Variants in LIN54 observed in about 807,000 individuals in gnomAD.
LIN54 encodes the protein protein lin-54 homolog.
Under a neutral mutation model 78.7 loss-of-function variants are expected in LIN54, and 9 were observed. That is an observed-to-expected ratio of 0.11 (90% confidence interval 0.07 to 0.20). The LOEUF (loss-of-function observed/expected upper bound fraction) is 0.20, where lower values mean the gene tolerates loss of function less well. Ranked by LOEUF, LIN54 falls within the 10% of genes least tolerant of loss-of-function variation. The pLI is 1.00. For missense variants in LIN54, 573 were observed against 889.9 expected (o/e 0.64, Z 4.53); for synonymous variants, 269 against 318.4 (o/e 0.84, Z 1.65).
At chr4:82,968,224 T>G (rs796118400) in intron 4 of LIN54, among the ~76,000 whole-genome samples, 6 of 152,064 alleles carry the variant, frequency 3.9e-5, no homozygotes, top group African/African-American at 1.4e-4. Flanking sequence ...GTATTTTTTT[T>G]GTAGAGACAG....
intron 3 of LIN54, among the ~76,000 whole-genome samples, chr4:82,976,451 T>G (rs560559027): frequency 6.6e-6 from 1 of 151,336 alleles, no homozygotes; most frequent in Non-Finnish European, 1.5e-5. Flanking sequence ...GGCTCATGCC[T>G]GTAGTCCCAG....
At chr4:82,982,119 A>G (rs2126084595) in intron 2 of LIN54, among the ~76,000 whole-genome samples, 1 of 152,316 alleles carries the variant, frequency 6.6e-6, no homozygotes. Flanking sequence ...TAGGGAGTTA[A>G]AGTAGAGAAA....
intron 1 of LIN54, among the ~76,000 whole-genome samples, chr4:82,995,477 A>C (rs778175754): frequency 1.4e-5 from 2 of 141,048 alleles, no homozygotes; most frequent in Non-Finnish European, 3.1e-5. Flanking sequence ...TTATGATTAC[A>C]CATCCTTATC....
At chr4:82,961,660 A>G (rs776480495) in intron 4 of LIN54, among the ~76,000 whole-genome samples, 1 of 152,232 alleles carries the variant, frequency 6.6e-6, no homozygotes, top group African/African-American at 2.4e-5. Flanking sequence ...GTTCACCATG[A>G]AAACATTAAG....
chr4:82,976,246 G>T (rs763730170), intron 3 of LIN54, among the ~76,000 whole-genome samples: 4 of 152,070 alleles, frequency 2.6e-5, no homozygotes, highest in Non-Finnish European at 5.9e-5. Context: ...AATGAACAAG[G>T]CCAAGAAAAT....
chr4:82,963,154 ATAC>A (rs1467806900), intron 4 of LIN54, among the ~76,000 whole-genome samples: 1 of 152,180 alleles, frequency 6.6e-6, no homozygotes, highest in Non-Finnish European at 1.5e-5. Context: ...AAATTACAGT[ATAC>A]TTCTTGCCAG....
intron 3 of LIN54, among the ~76,000 whole-genome samples, chr4:82,970,893 C>T (rs9884591): frequency 0.33 from 50,002 of 151,952 alleles, 9,560 homozygotes; most frequent in East Asian, 0.52. Context: ...TTGAAATCCA[C>T]ACTTATAAAA....
intron 4 of LIN54, among the ~76,000 whole-genome samples, chr4:82,957,513 C>T (rs1210986025): frequency 6.6e-6 from 1 of 152,172 alleles, no homozygotes; most frequent in Non-Finnish European, 1.5e-5. Context: ...TATTTTCTCT[C>T]CATTCCCTCC....
intron 3 of LIN54, among the ~76,000 whole-genome samples, chr4:82,976,994 C>T (rs1218680970): frequency 6.6e-6 from 1 of 152,136 alleles, no homozygotes; most frequent in Admixed American, 6.6e-5. Context: ...AAGTTACAAT[C>T]GGTCTGCAAC....
Position 82,981,003 on chromosome 4 carries a change from A to G in LIN54, c.685-1997T>C, listed in dbSNP as rs190376961. Among the ~76,000 whole-genome samples, 20 of 152,322 alleles carry G rather than the reference A, an allele frequency of 1.3e-4. No homozygotes were observed. In the East Asian group the frequency reaches 3.5e-3, roughly 26 times the overall value. On this transcript the variant is annotated intron_variant, in intron 2 of 12. Transcript: ENST00000340417. ...TGTTTCTTTAGTGGTGCTGAAAATA[A>G]TAACTTTTGGTTCCATTAAGGAACT...
At chr4:82,963,524 A>T (rs572048484) in intron 4 of LIN54, among the ~76,000 whole-genome samples, 9 of 152,300 alleles carry the variant, frequency 5.9e-5, no homozygotes, top group African/African-American at 2.2e-4. Context: ...GGAATTTATA[A>T]CATGTAAACA....
At chr4:82,936,713 A>G (rs531496988) in intron 9 of LIN54, among the ~76,000 whole-genome samples, 1 of 152,328 alleles carries the variant, frequency 6.6e-6, no homozygotes, top group African/African-American at 2.4e-5. Context: ...AGGCATTTCA[A>G]AATTCTGAAA....
chr4:82,953,019 G>T (rs1165124557), intron 4 of LIN54, among the ~76,000 whole-genome samples: 1 of 152,202 alleles, frequency 6.6e-6, no homozygotes, highest in East Asian at 1.9e-4. Context: ...TTGTGGCCCA[G>T]CCTGGACAGC....
chr4:82,999,651 G>A (rs989289740), intron 1 of LIN54, among the ~76,000 whole-genome samples: 1 of 151,660 alleles, frequency 6.6e-6, no homozygotes, highest in African/African-American at 2.4e-5. Flanking sequence ...GGTGGTACAC[G>A]CCTGTGGTCC....
At chr4:82,934,959 T>G (rs1196454682) in intron 11 of LIN54, among the ~76,000 whole-genome samples, 1 of 152,130 alleles carries the variant, frequency 6.6e-6, no homozygotes, top group Non-Finnish European at 1.5e-5. Flanking sequence ...TTATATGGCA[T>G]TTGTCAGAGC....
intron 1 of LIN54, among the ~76,000 whole-genome samples, chr4:82,992,657 C>T (rs989620569): frequency 6.6e-6 from 1 of 152,160 alleles, no homozygotes; most frequent in African/African-American, 2.4e-5. Context: ...CAGGCTCAAG[C>T]AATCCTCCTG....
chr4:82,955,507 AG>A (rs1560741884), intron 4 of LIN54, among the ~76,000 whole-genome samples: 1 of 152,200 alleles, frequency 6.6e-6, no homozygotes, highest in Non-Finnish European at 1.5e-5. Context: ...CATAAAACTA[AG>A]AGAAATATCA....
chr4:82,928,402 A>C lies in LIN54; in HGVS notation c.2049-99T>G, dbSNP rs1230801473. 4 of 909,956 alleles carry C rather than the reference A, an allele frequency of 4.4e-6. No homozygotes were observed. In the Admixed American group the frequency reaches 7.8e-5, roughly 18 times the overall value. The allele number at this position is 909,956 out of a possible 1,614,324, so 56.4% of individuals were successfully genotyped here. A position where few individuals can be genotyped will look rare whatever the true frequency, so the allele number is the denominator to read the frequency against. ...TGGAAATCTCTACTGACACTTTCACAATTCACCAGCAGGATGAGCATCACA... is the reference window on the plus strand; with the variant it reads ...TGGAAATCTCTACTGACACTTTCACCATTCACCAGCAGGATGAGCATCACA... On this transcript the variant is annotated intron_variant, in intron 12 of 12. Transcript: ENST00000340417.
At chr4:82,952,942 C>T (rs1359074810) in intron 4 of LIN54, among the ~76,000 whole-genome samples, 1 of 152,186 alleles carries the variant, frequency 6.6e-6, no homozygotes, top group Non-Finnish European at 1.5e-5. Flanking sequence ...AGAATAGTGA[C>T]TTCCAGGGAC....
Sources: gnomAD v4.1 joint callset for allele counts (sites outside exome capture counted in the v4.1 genomes callset) on GRCh38, gnomAD v4.1.1 for gene constraint, MANE v1.5 for transcripts, NCBI Gene and HGNC (gene_info 2026-07-23, HGNC 2026-07-21) for gene names.